The following CFAP46 variants were observed in gnomAD, a reference collection of about 807,000 sequenced individuals.
The protein encoded by CFAP46 is cilia- and flagella-associated protein 46.
A neutral mutation model predicts 325.7 loss-of-function variants in CFAP46; 245 were observed. The observed-to-expected ratio is 0.75, with a 90% CI of 0.68 to 0.84. The LOEUF (loss-of-function observed/expected upper bound fraction) is 0.84, where lower values mean the gene tolerates loss of function less well. Ranked by LOEUF, CFAP46 falls within the 40% of genes least tolerant of loss-of-function variation. CFAP46 has a pLI of 0.00. For missense variants in CFAP46, 3,346 were observed against 3,543.0 expected (o/e 0.94, Z 1.41); for synonymous variants, 1,523 against 1,495.9 (o/e 1.02, Z -0.42).
intron 31 of CFAP46, among the ~76,000 whole-genome samples, chr10:132,873,346 T>C (rs1848919713): frequency 6.6e-6 from 1 of 152,198 alleles, no homozygotes; most frequent in Non-Finnish European, 1.5e-5. Flanking sequence ...ATCCAAAGAA[T>C]GACTGGGCCA....
chr10:132,938,218 G>A (rs546715414), intron 5 of CFAP46, among the ~76,000 whole-genome samples: 15 of 152,334 alleles, frequency 9.8e-5, no homozygotes, highest in Admixed American at 7.2e-4. Context: ...CCTGGGCTCC[G>A]CATGTGCTGA....
chr10:132,813,492 CCCCTGCACACACCTGT>C (rs1160624221), intron 54 of CFAP46, among the ~76,000 whole-genome samples: 4 of 146,806 alleles, frequency 2.7e-5, no homozygotes, highest in Non-Finnish European at 4.5e-5. Context: ...CACACACCTG[CCCCTGCACACACCTGT>C]CCCTGCACAC....
intron 44 of CFAP46, among the ~76,000 whole-genome samples, chr10:132,841,424 T>A (rs1278472492): frequency 6.6e-6 from 1 of 152,220 alleles, no homozygotes; most frequent in Non-Finnish European, 1.5e-5. Flanking sequence ...GCCTCCCCGA[T>A]GGCTTTGCTG....
At chr10:132,851,068 C>T in intron 40 of CFAP46, 49 bp downstream of exon 40, 1 of 1,607,712 alleles carries the variant, frequency 6.2e-7, no homozygotes, top group Non-Finnish European at 8.5e-7. Flanking sequence ...ATCAGCTGCA[C>T]TGTGGCCTGG....
chr10:132,877,833 C>T lies in CFAP46; in HGVS notation c.4212+48G>A, dbSNP rs765499215. On this transcript the variant is annotated intron_variant, in intron 30 of 57. Coordinates refer to ENST00000368586, the MANE Select transcript of CFAP46 (RefSeq NM_001200049.3). The surrounding 1 kb of genome is among the most constrained non-coding windows in gnomAD (Gnocchi z 5.7). ...CCTGACAGGCAGGGAAACTGAGGCA[C>T]AGGCCATCCTGGGCCCGGCCTCTGC... 2 of 1,536,066 alleles carry T rather than the reference C, an allele frequency of 1.3e-6. No individual in the cohort carries two copies. The highest frequency in any genetic ancestry group is 1.2e-5 in the South Asian group (1 of 83,626).
In CFAP46 at chr10:132,916,653, A is replaced by G; in HGVS notation, c.2016T>C (p.Gly672=). ...GGATGGCCCGGTCATTCAGCTCTAC[A>G]CCTTCTGACCGCAGCAAATGAACCG... The part of the protein sequence containing the change: ...EATVHLLRSE[G]VELNDRAIPP... Residue 672 remains glycine, a synonymous_variant, in exon 17 of 58, where the codon GGT becomes GGC. Coordinates refer to ENST00000368586, the MANE Select transcript of CFAP46 (RefSeq NM_001200049.3). 1 of 1,500,928 alleles carries G rather than the reference A, an allele frequency of 6.7e-7. No individual in the cohort carries two copies. Among genetic ancestry groups the G allele is most frequent in the Non-Finnish European group, 8.9e-7 (1 of 1,120,874 alleles). 93.0% of individuals were successfully genotyped at this position (1,500,928 alleles called of 1,614,324 possible).
chr10:132,842,061 G>A (rs1394411783), intron 44 of CFAP46, among the ~76,000 whole-genome samples: 1 of 152,236 alleles, frequency 6.6e-6, no homozygotes, highest in Non-Finnish European at 1.5e-5. Context: ...TCTTTACGTG[G>A]CCAGGCTAAG....
chr10:132,899,206 C>T, intron 23 of CFAP46, 85 bp from the exon 24 acceptor site: 1 of 1,420,444 alleles, frequency 7.0e-7, no homozygotes. Flanking sequence ...AGGTCGGGCG[C>T]CCAGGGCCCA....
chr10:132,821,496 T>G (rs1180906528), intron 50 of CFAP46, among the ~76,000 whole-genome samples: 1 of 139,434 alleles, frequency 7.2e-6, no homozygotes, highest in Non-Finnish European at 1.5e-5. Context: ...TGAGTGCTGA[T>G]GTGTGCTGTG....
rs59161995 is a variant in CFAP46, at chr10:132,912,579, C to CTCTTCACCT, written c.2499+75_2499+76insAGGTGAAGA. The CTCTTCACCT allele has an allele frequency of 5.3e-6, 7 of 1,316,826 alleles. No individual in the cohort carries two copies. The East Asian group carries it at 1.4e-4, about 27-fold the overall frequency. The allele number at this position is 1,316,826 out of a possible 1,614,324, so 81.6% of individuals were successfully genotyped here. A position where few individuals can be genotyped will look rare whatever the true frequency, so the allele number is the denominator to read the frequency against. ...TTCACCTCTCTCCTCTTTCACCTCT[C>CTCTTCACCT]CTCTCCTCTCTCTCTCTCCTCTCTC... On this transcript the variant is annotated intron_variant, in intron 19 of 57. Coordinates refer to ENST00000368586, the MANE Select transcript of CFAP46 (RefSeq NM_001200049.3).
At chr10:132,881,311 G>T (rs1439170068) in intron 27 of CFAP46, among the ~76,000 whole-genome samples, 1 of 152,106 alleles carries the variant, frequency 6.6e-6, no homozygotes, top group Non-Finnish European at 1.5e-5. Context: ...ACCCTCCTGG[G>T]GACTCCCGGG....
intron 7 of CFAP46, 110 bp from the exon 8 acceptor site, chr10:132,934,972 C>G (rs1194768522): frequency 1.3e-6 from 1 of 744,248 alleles, no homozygotes; most frequent in Non-Finnish European, 2.3e-6. Flanking sequence ...GAAGAGGAGA[C>G]TGAAAATAAC....
intron 24 of CFAP46, chr10:132,898,504 G>A: frequency 3.2e-6 from 1 of 309,746 alleles, no homozygotes; most frequent in South Asian, 2.9e-5. Flanking sequence ...TGGGCCTTGG[G>A]GGCTCCACTC....
At chr10:132,851,427 A>G in intron 39 of CFAP46, 122 bp from the exon 40 acceptor site, 4 of 897,044 alleles carry the variant, frequency 4.5e-6, no homozygotes, top group South Asian at 1.7e-5. Flanking sequence ...GCAGATCTAC[A>G]GTGGAAAACT....
At chr10:132,870,740 C>T (rs989435321) in intron 32 of CFAP46, among the ~76,000 whole-genome samples, 2 of 152,158 alleles carry the variant, frequency 1.3e-5, no homozygotes, top group Non-Finnish European at 1.5e-5. Flanking sequence ...GGTTTCTGGA[C>T]AGAAGCTGTC....
chr10:132,909,763 G>A (rs1256308323), intron 20 of CFAP46, among the ~76,000 whole-genome samples, 156 bp downstream of exon 20: 3 of 152,234 alleles, frequency 2.0e-5, no homozygotes, highest in Non-Finnish European at 2.9e-5. Context: ...GGCAGCCAGC[G>A]GCGGTGAGCT....
chr10:132,942,061 G>A lies in CFAP46; in HGVS notation c.93C>T (p.Ala31=), dbSNP rs1334947536. The change falls in exon 2 of 58, where the codon GCC becomes GCT. Residue 31 remains alanine, a synonymous_variant. Transcript: ENST00000368586. ...GGTCAAACTCCGATTTCCCTAGGTTGGCCGATTTGATCAACTCGTAGGCCT... is the reference window on the plus strand; with the variant it reads ...GGTCAAACTCCGATTTCCCTAGGTTAGCCGATTTGATCAACTCGTAGGCCT... The part of the protein sequence containing the change: ...LKKAYELIKS[A]NLGKSEFDPS... 6 of 1,551,666 alleles carry A rather than the reference G, an allele frequency of 3.9e-6. No individual in the cohort carries two copies. The highest frequency in any genetic ancestry group is 2.6e-6 in the Non-Finnish European group (3 of 1,147,014).
intron 55 of CFAP46, among the ~76,000 whole-genome samples, chr10:132,812,208 C>G (rs565512055): frequency 1.3e-5 from 2 of 152,216 alleles, no homozygotes; most frequent in African/African-American, 4.8e-5. Flanking sequence ...GGTGACGTAC[C>G]CCTACGTGTG....
chr10:132,878,859 G>T (rs377318502), intron 29 of CFAP46, among the ~76,000 whole-genome samples: 1 of 152,238 alleles, frequency 6.6e-6, no homozygotes, highest in Non-Finnish European at 1.5e-5. Flanking sequence ...CCCTGCTGGG[G>T]TGTAGCCTGC....
Sources: allele counts gnomAD v4.1 joint callset (sites outside exome capture counted in the v4.1 genomes callset), GRCh38; gene constraint gnomAD v4.1.1; non-coding constraint Gnocchi (gnomAD v3.1); transcripts MANE v1.5; gene names NCBI Gene and HGNC (gene_info 2026-07-23, HGNC 2026-07-21).